The following ATP10A variants were observed in gnomAD, a reference collection of about 807,000 sequenced individuals.
ATP10A encodes ATPase phospholipid transporting 10A (putative).
A neutral mutation model predicts 147.8 loss-of-function variants in ATP10A; 111 were observed. The observed-to-expected ratio is 0.75, with a 90% CI of 0.64 to 0.88. The LOEUF (loss-of-function observed/expected upper bound fraction) is 0.88. Ranked by LOEUF, ATP10A falls within the 40% of genes least tolerant of loss-of-function variation. The pLI, the probability that ATP10A is intolerant of heterozygous loss-of-function variation, is 0.00. For synonymous variants in ATP10A, 875 were observed against 841.6 expected, an observed-to-expected ratio of 1.04 and a Z score of -0.69; for missense variants, 1,927 against 1,959.0, an observed-to-expected ratio of 0.98 and a Z score of 0.31.
chr15:25,780,844 G>A (rs8036650), intron 2 of ATP10A, among the ~76,000 whole-genome samples, 175 bp downstream of exon 2: 18,396 of 152,184 alleles, frequency 0.12, 1,551 homozygotes, highest in African/African-American at 0.24. Flanking sequence ...AGTCACAGGC[G>A]GGTCATGGGC....
intron 1 of ATP10A, among the ~76,000 whole-genome samples, chr15:25,790,948 G>A (rs181594345): frequency 2.6e-5 from 4 of 152,176 alleles, no homozygotes; most frequent in East Asian, 3.9e-4. Context: ...TTATTCCTAC[G>A]GAGAAGTTTT....
At chr15:25,820,305 A>G (rs1306739865) in intron 1 of ATP10A, among the ~76,000 whole-genome samples, 3 of 152,244 alleles carry the variant, frequency 2.0e-5, no homozygotes, top group Non-Finnish European at 2.9e-5. Flanking sequence ...CAAAAGTTAA[A>G]GAAGTAAATT....
chr15:25,768,807 G>C (rs921915929), intron 2 of ATP10A, among the ~76,000 whole-genome samples: 2 of 150,948 alleles, frequency 1.3e-5, no homozygotes, highest in Admixed American at 6.6e-5. Flanking sequence ...GGGATTCCAG[G>C]TGTAAACCAC....
chr15:25,684,688 G>A (rs1355719619), intron 16 of ATP10A, among the ~76,000 whole-genome samples: 3 of 152,304 alleles, frequency 2.0e-5, no homozygotes, highest in East Asian at 1.9e-4. Context: ...CACAGTCCCA[G>A]CAGGGAACTC....
In ATP10A at chr15:25,714,309, C is replaced by T. The variant is rs1032239625; in HGVS notation, c.1777-68G>A. The T allele has an allele frequency of 8.2e-6, 12 of 1,456,690 alleles. No individual in the cohort carries two copies. In the African/African-American group the frequency reaches 1.4e-4, roughly 17 times the overall value. 90.2% of individuals were successfully genotyped at this position (1,456,690 alleles called of 1,614,324 possible). A position where few individuals can be genotyped will look rare whatever the true frequency, so the allele number is the denominator to read the frequency against. ...GTCCCCCAGAGGCCCCACCCTGGTT[C>T]CCACAGGATGCTCCAGGCACTTGGA... On this transcript the variant is annotated intron_variant, in intron 9 of 20. Coordinates refer to ENST00000555815, the MANE Select transcript of ATP10A (RefSeq NM_024490.4).
chr15:25,741,850 A>G (rs1180266688), intron 2 of ATP10A, among the ~76,000 whole-genome samples: 1 of 152,240 alleles, frequency 6.6e-6, no homozygotes, highest in Non-Finnish European at 1.5e-5. Context: ...TATTTATTGA[A>G]AAAATAAATA....
chr15:25,800,270 T>C (rs948637307), intron 1 of ATP10A, among the ~76,000 whole-genome samples: 1 of 152,212 alleles, frequency 6.6e-6, no homozygotes, highest in Non-Finnish European at 1.5e-5. Context: ...CAGGTTCCCG[T>C]AGGGCTTCAG....
At chr15:25,765,909 G>T (rs962525560) in intron 2 of ATP10A, among the ~76,000 whole-genome samples, 2 of 152,186 alleles carry the variant, frequency 1.3e-5, no homozygotes, top group Admixed American at 6.5e-5. Flanking sequence ...CAGTGCAAAG[G>T]ACAGGCCAGA....
chr15:25,731,858 G>A (rs1193778530), intron 3 of ATP10A, among the ~76,000 whole-genome samples: 1 of 152,168 alleles, frequency 6.6e-6, no homozygotes, highest in Non-Finnish European at 1.5e-5. Context: ...ATAGAGTTCT[G>A]TATTTTGTTT....
At chr15:25,731,440 T>C (rs190968354) in intron 3 of ATP10A, among the ~76,000 whole-genome samples, 60 of 152,328 alleles carry the variant, frequency 3.9e-4, no homozygotes, top group African/African-American at 1.3e-3. Flanking sequence ...AAATGGAATT[T>C]TACATTGGAT....
intron 1 of ATP10A, among the ~76,000 whole-genome samples, chr15:25,829,160 G>A (rs752094846): frequency 2.6e-5 from 4 of 152,246 alleles, no homozygotes; most frequent in Non-Finnish European, 4.4e-5. Context: ...AAATAATGTG[G>A]TGAAAAGTGC....
In ATP10A at chr15:25,783,477, A is replaced by AT. The variant is rs555092197; in HGVS notation, c.450-2255_450-2254insA. On this transcript the variant is annotated intron_variant, in intron 1 of 20. Coordinates refer to ENST00000555815, the MANE Select transcript of ATP10A (RefSeq NM_024490.4). ...TAATTCCCCTGTGTGGATTTGAGGG[A>AT]CCCCCCCCTGGCAAAGTTCCAGAGG... Among the ~76,000 whole-genome samples the AT allele has an allele frequency of 7.6e-4, 111 of 145,416 alleles. 1 individual carries two copies. In the East Asian group the frequency reaches 0.022, roughly 29 times the overall value.
intron 2 of ATP10A, among the ~76,000 whole-genome samples, chr15:25,749,956 G>GA (rs1468810673): frequency 6.6e-6 from 1 of 152,082 alleles, no homozygotes; most frequent in Admixed American, 6.5e-5. Flanking sequence ...AGAATCAAAA[G>GA]AGAGGATTGG....
intron 1 of ATP10A, 170 bp downstream of exon 1, chr15:25,862,478 C>A (rs886920650): frequency 4.0e-5 from 33 of 828,738 alleles, no homozygotes; most frequent in Non-Finnish European, 7.4e-6. Context: ...GAGGCCTTGG[C>A]GGCGCTGTGG....
chr15:25,694,365 C>G (rs1421092566), intron 14 of ATP10A, among the ~76,000 whole-genome samples: 1 of 152,264 alleles, frequency 6.6e-6, no homozygotes, highest in East Asian at 1.9e-4. Context: ...AGTGGGAATT[C>G]TGGTCACCAA....
chr15:25,755,587 G>A (rs1245674012), intron 2 of ATP10A, among the ~76,000 whole-genome samples: 2 of 152,138 alleles, frequency 1.3e-5, no homozygotes, highest in East Asian at 3.9e-4. Flanking sequence ...CAAACAACCA[G>A]GACACTAGAA....
At chr15:25,746,388 TAAAAC>T (rs1887844710) in intron 2 of ATP10A, among the ~76,000 whole-genome samples, 1 of 152,146 alleles carries the variant, frequency 6.6e-6, no homozygotes, top group Non-Finnish European at 1.5e-5. Context: ...AAAGGAGACA[TAAAAC>T]AAATCCACAA....
chr15:25,793,562 C>T (rs1041763788), intron 1 of ATP10A, among the ~76,000 whole-genome samples: 1 of 152,222 alleles, frequency 6.6e-6, no homozygotes, highest in Admixed American at 6.5e-5. Flanking sequence ...AGCTCCACTT[C>T]GCTGGGTGTG....
chr15:25,792,882 T>C (rs1178821689), intron 1 of ATP10A, among the ~76,000 whole-genome samples: 1 of 150,982 alleles, frequency 6.6e-6, no homozygotes, highest in Non-Finnish European at 1.5e-5. Flanking sequence ...TCTTTTTTTT[T>C]TTTTTGAGAT....
Sources: allele counts gnomAD v4.1 joint callset (sites outside exome capture counted in the v4.1 genomes callset), GRCh38; gene constraint gnomAD v4.1.1; transcripts MANE v1.5; gene names NCBI Gene and HGNC (gene_info 2026-07-23, HGNC 2026-07-21).